Variants in SENP6 observed in about 807,000 individuals in gnomAD.
SENP6 encodes sentrin-specific protease 6.
Under a neutral mutation model 134.5 loss-of-function variants are expected in SENP6, and 41 were observed. The observed-to-expected ratio is 0.30, with a 90% CI of 0.24 to 0.40. SENP6 has a LOEUF of 0.40. Ranked by LOEUF, SENP6 falls within the 10% of genes least tolerant of loss-of-function variation. The probability of loss-of-function intolerance (pLI) is 1.00; values close to 1 mark genes in which losing one functional copy is unlikely to be tolerated. For missense variants in SENP6, 1,248 were observed against 1,312.5 expected (o/e 0.95, Z 0.76); for synonymous variants, 395 against 429.8 (o/e 0.92, Z 1.00).
intron 3 of SENP6, among the ~76,000 whole-genome samples, chr6:75,626,659 A>G (rs1768721623): frequency 6.6e-6 from 1 of 152,180 alleles, no homozygotes; most frequent in African/African-American, 2.4e-5. Context: ...GATTCCTAGA[A>G]TTGAAGTTGC....
intron 16 of SENP6, among the ~76,000 whole-genome samples, chr6:75,680,109 A>G (rs1773362257): frequency 6.6e-6 from 1 of 152,230 alleles, no homozygotes; most frequent in South Asian, 2.1e-4. Flanking sequence ...ATGATGAGAC[A>G]TTTTATGAGG....
At chr6:75,692,842 C>A (rs1774376922) in intron 16 of SENP6, among the ~76,000 whole-genome samples, 1 of 151,852 alleles carries the variant, frequency 6.6e-6, no homozygotes, top group African/African-American at 2.4e-5. Context: ...GGCAAGCAGA[C>A]CACCTGAGCC....
Position 75,656,558 on chromosome 6 carries a change from A to G in SENP6, c.551-2704A>G, listed in dbSNP as rs572310688. Among the ~76,000 whole-genome samples the G allele has an allele frequency of 2.0e-5, 3 of 152,248 alleles. No individual in the cohort carries two copies. The South Asian group carries it at 6.2e-4, about 32-fold the overall frequency. On this transcript the variant is annotated intron_variant, in intron 7 of 23. Transcript: ENST00000447266. ...TTCTGCTGTAATTTTAGACTAGTTC[A>G]TTTTTACTTGAGTTACCAAATCTTC...
chr6:75,644,342 C>T (rs974490115), intron 6 of SENP6, among the ~76,000 whole-genome samples: 9 of 152,132 alleles, frequency 5.9e-5, no homozygotes, highest in Admixed American at 3.3e-4. Context: ...AAATACCTGA[C>T]GAGTTCTCTC....
chr6:75,697,685 G>A, intron 18 of SENP6, 168 bp downstream of exon 18: 3 of 552,252 alleles, frequency 5.4e-6, no homozygotes, highest in Non-Finnish European at 9.8e-6. Flanking sequence ...CAGTTTCACA[G>A]TGAAGCATGT....
intron 10 of SENP6, among the ~76,000 whole-genome samples, chr6:75,668,410 G>A (rs536629221): frequency 2.0e-5 from 3 of 152,052 alleles, no homozygotes; most frequent in African/African-American, 7.2e-5. Flanking sequence ...AGTGTAAAGT[G>A]GTCCTTTATA....
At chr6:75,664,063 A>G (rs1184206907) in intron 9 of SENP6, among the ~76,000 whole-genome samples, 1 of 152,128 alleles carries the variant, frequency 6.6e-6, no homozygotes, top group Non-Finnish European at 1.5e-5. Context: ...TAAACTGTGT[A>G]ATTTCCAAGA....
chr6:75,609,781 G>GT (rs1286889028), intron 1 of SENP6, among the ~76,000 whole-genome samples: 1 of 152,068 alleles, frequency 6.6e-6, no homozygotes, highest in African/African-American at 2.4e-5. Flanking sequence ...TTTTGTTTTT[G>GT]TTTTTTGAGA....
At chr6:75,696,383 T>G (rs912468304) in intron 17 of SENP6, among the ~76,000 whole-genome samples, 3 of 152,210 alleles carry the variant, frequency 2.0e-5, no homozygotes, top group African/African-American at 7.2e-5. Flanking sequence ...CCATAATATC[T>G]AAGAAAGGAA....
chr6:75,656,480 A>G (rs1771349675), intron 7 of SENP6, among the ~76,000 whole-genome samples: 2 of 152,180 alleles, frequency 1.3e-5, no homozygotes, highest in Non-Finnish European at 2.9e-5. Flanking sequence ...CCACTTACTA[A>G]GTATTTGCCA....
In SENP6 at chr6:75,615,262, C is replaced by T. The variant is rs72654709; in HGVS notation, c.53-6270C>T. Among the ~76,000 whole-genome samples, 1,604 of 152,208 alleles carry T rather than the reference C, an allele frequency of 0.011. 59 individuals are homozygous for T. In the East Asian group the frequency reaches 0.14, roughly 13 times the overall value. On this transcript the variant is annotated intron_variant, in intron 1 of 23. Transcript: ENST00000447266. Reference sequence around the variant, plus strand: ...GTGGCATGATCTCAGCTCACTCAACCTCTGCCTTGTGGGTTCAAGCGATTC... The same window carrying T: ...GTGGCATGATCTCAGCTCACTCAACTTCTGCCTTGTGGGTTCAAGCGATTC...
chr6:75,656,141 G>A (rs1771312055), intron 7 of SENP6, among the ~76,000 whole-genome samples: 1 of 151,086 alleles, frequency 6.6e-6, no homozygotes, highest in African/African-American at 2.4e-5. Context: ...CTTGAACCTG[G>A]GAGGCAGAGG....
intron 11 of SENP6, among the ~76,000 whole-genome samples, chr6:75,673,889 C>T (rs750242444): frequency 4.0e-5 from 6 of 151,534 alleles, no homozygotes; most frequent in Non-Finnish European, 7.4e-5. Context: ...GGTGTGGTGG[C>T]GTGCACCCGT....
rs1036873028 is a variant in SENP6, at chr6:75,682,606, C to T, written c.2075+3679C>T. On this transcript the variant is annotated intron_variant, in intron 16 of 23. Transcript: ENST00000447266. ...GTGTGTGATGTTCCCCGCCCTGTAT[C>T]CAAGTGATCTCATTGTTCAGTTGCC... Among the ~76,000 whole-genome samples the T allele has an allele frequency of 2.0e-5, 3 of 152,144 alleles. No homozygotes were observed. The East Asian group carries it at 5.8e-4, about 29-fold the overall frequency.
rs866469623 is a variant in SENP6 at position 75,702,866 on chromosome 6, T to C, written c.2510T>C (p.Ile837Thr). ...MLNKKHCIAV[I>T]DSNPGQEESD... ...AACAAAAAACATTGCATAGCTGTAA[T>C]TGATTCCAATCCTGGGCAGGAAGAA... The change falls in exon 19 of 24, where the codon ATT (isoleucine) becomes ACT (threonine). Residue 837 changes from isoleucine (I) to threonine (T), a missense_variant. Transcript: ENST00000447266. 2 of 1,614,010 alleles carry C rather than the reference T, an allele frequency of 1.2e-6. No homozygotes were observed. Among genetic ancestry groups the C allele is most frequent in the Non-Finnish European group, 1.7e-6 (2 of 1,180,014 alleles).
intron 5 of SENP6, among the ~76,000 whole-genome samples, chr6:75,639,875 A>T (rs1769893116): frequency 6.6e-6 from 1 of 152,198 alleles, no homozygotes; most frequent in African/African-American, 2.4e-5. Flanking sequence ...TGATATTAGG[A>T]TCAGTCTGGA....
In SENP6 at chr6:75,616,851, A is replaced by C. The variant is rs114645985; in HGVS notation, c.53-4681A>C. Among the ~76,000 whole-genome samples, 483 of 151,544 alleles carry C rather than the reference A, an allele frequency of 3.2e-3. 4 individuals are homozygous for C. The highest frequency in any genetic ancestry group is 0.011 in the African/African-American group (464 of 41,284). Reference sequence around the variant, plus strand: ...CTTTTGAAACATAGGTTCATTTTACATTGTGTTTTTAAATTTTTATTTATG... The same window carrying C: ...CTTTTGAAACATAGGTTCATTTTACCTTGTGTTTTTAAATTTTTATTTATG... On this transcript the variant is annotated intron_variant, in intron 1 of 23. Coordinates refer to ENST00000447266, the MANE Select transcript of SENP6 (RefSeq NM_015571.4).
At chr6:75,715,278 T>G in intron 23 of SENP6, 107 bp from the exon 24 acceptor site, 1 of 791,910 alleles carries the variant, frequency 1.3e-6, no homozygotes, top group East Asian at 2.4e-5. Flanking sequence ...AAATACATAT[T>G]GAATGCGTTG....
At chr6:75,640,481 G>A (rs1347688532) in intron 5 of SENP6, among the ~76,000 whole-genome samples, 1 of 74,254 alleles carries the variant, frequency 1.3e-5, no homozygotes, top group African/African-American at 3.1e-5. Flanking sequence ...TCATCTTCCT[G>A]TTTGTTTATT....
Sources: allele counts gnomAD v4.1 joint callset (sites outside exome capture counted in the v4.1 genomes callset), GRCh38; gene constraint gnomAD v4.1.1; transcripts MANE v1.5; gene names NCBI Gene and HGNC (gene_info 2026-07-23, HGNC 2026-07-21).